PDE4A: variants seen among roughly 807,000 people sequenced by gnomAD.
PDE4A encodes the protein phosphodiesterase 4A.
PDE4A carries 21 observed loss-of-function variants against 73.9 expected under a neutral mutation model. That is an observed-to-expected ratio of 0.28 (90% CI 0.20 to 0.41). The LOEUF (loss-of-function observed/expected upper bound fraction) is 0.41. PDE4A is among the 10% of genes least tolerant of loss of function. The pLI is 1.00. For missense variants in PDE4A, 958 were observed against 1,211.4 expected (o/e 0.79, Z 3.10); for synonymous variants, 463 against 505.4 (o/e 0.92, Z 1.13).
chr19:10,449,449 T>C (rs1480163159), intron 4 of PDE4A, among the ~76,000 whole-genome samples: 1 of 152,094 alleles, frequency 6.6e-6, no homozygotes, highest in Non-Finnish European at 1.5e-5. Context: ...AACCTCTGCC[T>C]CCCGGGTTCA....
chr19:10,417,833 G>T (rs1442939198), upstream of PDE4A: 2 of 1,558,962 alleles, frequency 1.3e-6, no homozygotes, highest in East Asian at 4.7e-5. Context: ...TGATCCCACC[G>T]CGGATTTCCA....
At chr19:10,455,893 A>G (rs1310344748) in intron 7 of PDE4A, among the ~76,000 whole-genome samples, 1 of 152,120 alleles carries the variant, frequency 6.6e-6, no homozygotes, top group East Asian at 1.9e-4. Context: ...CAAACTCAAG[A>G]GAGATGCCCA....
chr19:10,453,473 G>C lies in PDE4A; in HGVS notation c.784-1356G>C. 2 of 1,061,316 alleles carry C rather than the reference G, an allele frequency of 1.9e-6. No individual in the cohort carries two copies. Among genetic ancestry groups the C allele is most frequent in the Non-Finnish European group, 2.6e-6 (2 of 766,642 alleles). 65.7% of individuals were successfully genotyped at this position (1,061,316 alleles called of 1,614,324 possible). On this transcript the variant is annotated intron_variant, in intron 6 of 14. Coordinates refer to ENST00000380702, the MANE Select transcript of PDE4A (RefSeq NM_001111307.2). The surrounding 1 kb of genome is among the most constrained non-coding windows in gnomAD (Gnocchi z 4.6). ...TGTGTGTGGCCCAGGGCTGGGCGTG[G>C]ATGGCGGGCAGCTGGGGGTGTGTGA...
chr19:10,434,838 G>A (rs914650237), intron 1 of PDE4A, among the ~76,000 whole-genome samples: 4 of 145,940 alleles, frequency 2.7e-5, no homozygotes, highest in Admixed American at 1.4e-4. Flanking sequence ...TGATCTGCCC[G>A]CCTTGGCCTC....
intron 14 of PDE4A, among the ~76,000 whole-genome samples, chr19:10,466,234 C>T (rs2043367543): frequency 6.7e-6 from 1 of 149,824 alleles, no homozygotes; most frequent in African/African-American, 2.4e-5. Context: ...ATCACAAGAT[C>T]AGGAGATCTA....
upstream of PDE4A, chr19:10,419,179 C>T: frequency 1.4e-6 from 1 of 731,444 alleles, no homozygotes; most frequent in Non-Finnish European, 1.7e-6. Context: ...GGGTCTGGTC[C>T]CCGGGTCCCG....
chr19:10,461,142 G>A, intron 11 of PDE4A, 39 bp downstream of exon 11: 1 of 1,598,540 alleles, frequency 6.3e-7, no homozygotes, highest in Non-Finnish European at 8.6e-7. Flanking sequence ...TGCTGAGTTG[G>A]AGGCGGTGTT....
chr19:10,465,599 A>C (rs1210550038), intron 14 of PDE4A, among the ~76,000 whole-genome samples: 2 of 149,742 alleles, frequency 1.3e-5, no homozygotes, highest in Non-Finnish European at 3.0e-5. Flanking sequence ...TCACTCACAC[A>C]CACCCCATGG....
At position 10,461,700 on chromosome 19, in the gene PDE4A, G is replaced by GGGGGGC; in HGVS notation, c.1620+20_1620+21insGGGGGC. 5.3e-5 allele frequency: 32 copies of GGGGGGC among 598,144 alleles called. No individual in the cohort carries two copies. The highest frequency in any genetic ancestry group is 7.5e-5 in the Non-Finnish European group (24 of 318,624). The allele number at this position is 598,144 out of a possible 1,614,324, so 37.1% of individuals were successfully genotyped here. A position where few individuals can be genotyped will look rare whatever the true frequency, so the allele number is the denominator to read the frequency against. On this transcript the variant is annotated intron_variant, in intron 12 of 14. Coordinates refer to ENST00000380702, the MANE Select transcript of PDE4A (RefSeq NM_001111307.2). ...GACATGGTGGGCGGGGCTGGGGCGG[G>GGGGGGC]ACGGAGCGGGAAAGGAAGCCTAGGA...
chr19:10,429,100 TGAAAAA>T (rs1392626721), intron 1 of PDE4A: 1 of 124,710 alleles, frequency 8.0e-6, no homozygotes, highest in Non-Finnish European at 1.6e-5. Flanking sequence ...GAGAGACTGA[TGAAAAA>T]GAAAGAAAGA....
Position 10,458,248 on chromosome 19 carries a change from G to T in PDE4A, c.1101+146G>T, listed in dbSNP as rs1284609079. On this transcript the variant is annotated intron_variant, in intron 8 of 14. Coordinates refer to ENST00000380702, the MANE Select transcript of PDE4A (RefSeq NM_001111307.2). This position sits in a 1 kb window ranked among gnomAD's most constrained non-coding sequence, Gnocchi z 4.6. Reference sequence around the variant, plus strand: ...TTTGAGCCCATCTTGAGGCAAGCATGCTGGCTCTTTGTACCTCTGTATCAT... The same window carrying T: ...TTTGAGCCCATCTTGAGGCAAGCATTCTGGCTCTTTGTACCTCTGTATCAT... 8.2e-6 allele frequency: 6 copies of T among 732,942 alleles called. No homozygotes were observed. In the Admixed American group the frequency reaches 1.6e-4, roughly 20 times the overall value. The allele number at this position is 732,942 out of a possible 1,614,324, so 45.4% of individuals were successfully genotyped here.
At chr19:10,429,941 T>A (rs1050767806) in intron 1 of PDE4A, among the ~76,000 whole-genome samples, 3 of 152,000 alleles carry the variant, frequency 2.0e-5, no homozygotes, top group African/African-American at 7.2e-5. Context: ...TTAAGGGACA[T>A]CTGAGGGACT....
rs200166484 is a variant in PDE4A at position 10,460,984 on chromosome 19, A to G, written c.1366-20A>G. ...ATGGCTTCAACTCTGTTATTCTAAC[A>G]TCCGTGTCTCTGCTCCCAGGCAGTG... is the stretch of plus-strand genomic sequence containing the variant. On this transcript the variant is annotated intron_variant, in intron 10 of 14. Transcript: ENST00000380702. 1.9e-6 allele frequency: 3 copies of G among 1,606,436 alleles called. No homozygotes were observed. The highest frequency in any genetic ancestry group is 4.5e-5 in the East Asian group (2 of 44,596).
intron 1 of PDE4A, among the ~76,000 whole-genome samples, chr19:10,439,321 A>G (rs957086571): frequency 9.2e-5 from 14 of 152,074 alleles, no homozygotes; most frequent in Middle Eastern, 6.8e-3. Flanking sequence ...AGCTGGGACT[A>G]CAGGTGCCTG....
chr19:10,424,264 G>A lies in PDE4A; in HGVS notation c.320+3180G>A, dbSNP rs888729021. Among the ~76,000 whole-genome samples, 2 of 152,224 alleles carry A rather than the reference G, an allele frequency of 1.3e-5. No homozygotes were observed. The highest frequency in any genetic ancestry group is 2.4e-5 in the African/African-American group (1 of 41,454). On this transcript the variant is annotated intron_variant, in intron 1 of 14. Coordinates refer to ENST00000380702, the MANE Select transcript of PDE4A (RefSeq NM_001111307.2). The surrounding 1 kb of genome is among the most constrained non-coding windows in gnomAD (Gnocchi z 4.8). ...GTGGGGAGCTGTCTGAACTGGGGACGGGGCCAACATACGGACCCTGCGTCC... is the reference window on the plus strand; with the variant it reads ...GTGGGGAGCTGTCTGAACTGGGGACAGGGCCAACATACGGACCCTGCGTCC...
In PDE4A at chr19:10,450,824, C is replaced by G. The variant is rs1176820041; in HGVS notation, c.671-5C>G. ...CAGTCACTACCCTGGCTGCCCCTTC[C>G]TTAGAAGAAACGTGTCAGCAGTTGG... On this transcript the variant is annotated splice_region_variant and splice_polypyrimidine_tract_variant and intron_variant, in intron 5 of 14. Coordinates refer to ENST00000380702, the MANE Select transcript of PDE4A (RefSeq NM_001111307.2). The G allele has an allele frequency of 3.7e-6, 6 of 1,605,218 alleles. No homozygotes were observed. The highest frequency in any genetic ancestry group is 5.1e-6 in the Non-Finnish European group (6 of 1,176,018).
intron 2 of PDE4A, among the ~76,000 whole-genome samples, chr19:10,447,217 CTTTTTTTTTTTTTT>C (rs34169084): frequency 8.4e-5 from 5 of 59,200 alleles, no homozygotes; most frequent in East Asian, 6.6e-4. Context: ...CTTTTTTTCT[CTTTTTTTTTTTTTT>C]TTTTTTTTTT....
chr19:10,458,118 G>A lies in PDE4A; in HGVS notation c.1101+16G>A, dbSNP rs762323752. 7 of 1,612,806 alleles carry A rather than the reference G, an allele frequency of 4.3e-6. No homozygotes were observed. In the South Asian group the frequency reaches 6.6e-5, roughly 15 times the overall value. ...CCTGGCCCAAGTGGGTGGGGGCTCA[G>A]TAGGGGCAGGGCTGGAGGGGGTGGT... On this transcript the variant is annotated intron_variant, in intron 8 of 14. Transcript: ENST00000380702. This position sits in a 1 kb window ranked among gnomAD's most constrained non-coding sequence, Gnocchi z 4.6.
Position 10,467,628 on chromosome 19 carries a change from G to A in PDE4A, c.*7G>A, listed in dbSNP as rs2043402627. 6.5e-7 allele frequency: 1 copy of A among 1,544,312 alleles called. No individual in the cohort carries two copies. The highest frequency in any genetic ancestry group is 2.3e-4 in the Middle Eastern group (1 of 4,298). On this transcript the variant is annotated 3_prime_UTR_variant, in exon 15 of 15. Transcript: ENST00000380702. ...AGGTGGAGACCCTACCTGATCCCCAGACCTCTGTCCCTGTTCCCCTCCACT... is the reference window on the plus strand; with the variant it reads ...AGGTGGAGACCCTACCTGATCCCCAAACCTCTGTCCCTGTTCCCCTCCACT...
Sources: allele counts gnomAD v4.1 joint callset (sites outside exome capture counted in the v4.1 genomes callset), GRCh38; gene constraint gnomAD v4.1.1; non-coding constraint Gnocchi (gnomAD v3.1); transcripts MANE v1.5; gene names NCBI Gene and HGNC (gene_info 2026-07-23, HGNC 2026-07-21).